The following RYR3 variants were observed in gnomAD, a reference collection of about 807,000 sequenced individuals.
RYR3 encodes ryanodine receptor 3, also known as brain ryanodine receptor-calcium release channel.
Under a neutral mutation model 584.3 loss-of-function variants are expected in RYR3, and 207 were observed. The ratio of observed to expected loss-of-function variants is 0.35; its 90% CI spans 0.32 to 0.40. The LOEUF is 0.40. Among genes scored for constraint, RYR3 ranks in the 10% least tolerant of loss-of-function variants. RYR3 has a pLI of 1.00. For missense variants in RYR3, 5,616 were observed against 6,089.2 expected, an observed-to-expected ratio of 0.92 and a Z score of 2.59; for synonymous variants, 2,416 against 2,248.5, an observed-to-expected ratio of 1.07 and a Z score of -2.11.
chr15:33,628,515 T>G lies in RYR3; in HGVS notation c.2619T>G (p.Ala873=). Residue 873 remains alanine (A), a synonymous_variant, in exon 21 of 104, where the codon GCT becomes GCG. Transcript: ENST00000634891. ...TAGAAAAGATCCGAGACAGACTAGC[T>G]GAAAACATCCATGAGCTTTGGGGAA... ...PHLEKIRDRL[A]ENIHELWGMN... 6.2e-7 allele frequency: 1 copy of G among 1,613,846 alleles called. No individual in the cohort carries two copies. The highest frequency in any genetic ancestry group is 8.5e-7 in the Non-Finnish European group (1 of 1,179,732).
intron 2 of RYR3, among the ~76,000 whole-genome samples, chr15:33,499,926 G>T (rs890531024): frequency 6.6e-6 from 1 of 152,204 alleles, no homozygotes; most frequent in Non-Finnish European, 1.5e-5. Context: ...AAGAGACAGG[G>T]GCTCGTGACC....
intron 48 of RYR3, among the ~76,000 whole-genome samples, chr15:33,734,830 T>C (rs1260946782): frequency 1.3e-5 from 2 of 151,614 alleles, no homozygotes; most frequent in Non-Finnish European, 2.9e-5. Context: ...GCTGGGACTA[T>C]AGGCACCCGC....
chr15:33,589,195 A>C (rs995895663), intron 16 of RYR3, among the ~76,000 whole-genome samples: 1 of 152,156 alleles, frequency 6.6e-6, no homozygotes, highest in Non-Finnish European at 1.5e-5. Flanking sequence ...TTTAGTTTGC[A>C]CTTCGCTGAT....
chr15:33,796,109 T>TTTTTGTTTTG (rs1041299694), intron 67 of RYR3, among the ~76,000 whole-genome samples: 2 of 151,492 alleles, frequency 1.3e-5, no homozygotes, highest in Admixed American at 1.3e-4. Context: ...CATTTGTCGT[T>TTTTTGTTTTG]TTTTGTTTTG....
At chr15:33,616,948 T>C (rs2060480491) in intron 19 of RYR3, among the ~76,000 whole-genome samples, 1 of 152,206 alleles carries the variant, frequency 6.6e-6, no homozygotes, top group South Asian at 2.1e-4. Flanking sequence ...TAAATCAAAA[T>C]AAACCGATTG....
intron 3 of RYR3, among the ~76,000 whole-genome samples, chr15:33,527,465 A>G (rs2054489216): frequency 6.6e-6 from 1 of 151,902 alleles, no homozygotes; most frequent in South Asian, 2.1e-4. Context: ...CAGTAATCTC[A>G]ACTACTCAGG....
At position 33,638,525 on chromosome 15, in the gene RYR3, T is replaced by C. The variant is rs572001142; in HGVS notation, c.3556+1975T>C. On this transcript the variant is annotated intron_variant, in intron 27 of 103. Coordinates refer to ENST00000634891, the MANE Select transcript of RYR3 (RefSeq NM_001036.6). ...ATGTTGTGCAGAGTTACAAGAACTT[T>C]GTAAAGTCCAAAGCCTTAATACTCA... Among the ~76,000 whole-genome samples the C allele has an allele frequency of 1.0e-3, 155 of 152,336 alleles. 1 individual carries two copies. Among genetic ancestry groups the C allele is most frequent in the African/African-American group, 3.7e-3 (152 of 41,574 alleles).
intron 8 of RYR3, among the ~76,000 whole-genome samples, chr15:33,546,889 T>C (rs1269539696): frequency 6.6e-6 from 1 of 152,254 alleles, no homozygotes; most frequent in Non-Finnish European, 1.5e-5. Context: ...TCCTCTTGGG[T>C]TTGACCACTT....
intron 1 of RYR3, among the ~76,000 whole-genome samples, chr15:33,386,325 C>A (rs1292066311): frequency 6.6e-6 from 1 of 152,262 alleles, no homozygotes; most frequent in African/African-American, 2.4e-5. Flanking sequence ...AAATACAGAA[C>A]AACTCATAAG....
rs1052999799 is a variant in RYR3, at chr15:33,731,517, A to T, written c.7247A>T (p.Tyr2416Phe). The T allele has an allele frequency of 5.0e-6, 8 of 1,613,564 alleles. No individual in the cohort carries two copies. The Admixed American group carries it at 1.0e-4, about 20-fold the overall frequency. The change falls in exon 48 of 104, where the codon TAT (tyrosine) becomes TTT (phenylalanine). Residue 2416 changes from tyrosine (Y) to phenylalanine (F), a missense_variant. Tyr to Phe is a conservative substitution (Grantham distance 22). Around this residue, in one of 9 missense-constraint regions of RYR3, gnomAD observed 1,280 missense variants for 1,426.2 expected, o/e 0.90. Coordinates refer to ENST00000634891, the MANE Select transcript of RYR3 (RefSeq NM_001036.6). ...GAGGCTGCGCTTGCACTAAATAGGT[A>T]TATATGTTCTGCTGTGCTCCCGCTC... ...TTEAALALNR[Y>F]ICSAVLPLLT...
At chr15:33,529,018 A>G (rs1478763184) in intron 3 of RYR3, among the ~76,000 whole-genome samples, 1 of 152,232 alleles carries the variant, frequency 6.6e-6, no homozygotes, top group East Asian at 1.9e-4. Context: ...TTAACTTGTA[A>G]TAATATAAGT....
intron 16 of RYR3, among the ~76,000 whole-genome samples, 193 bp from the exon 17 acceptor site, chr15:33,601,226 C>G (rs2059645205): frequency 6.6e-6 from 1 of 152,160 alleles, no homozygotes; most frequent in African/African-American, 2.4e-5. Context: ...CTCATTTTCC[C>G]AAGAAGCAGT....
intron 23 of RYR3, among the ~76,000 whole-genome samples, chr15:33,632,300 G>T (rs1388692271): frequency 1.3e-5 from 2 of 152,138 alleles, no homozygotes; most frequent in Non-Finnish European, 2.9e-5. Context: ...CTTTCCTAAG[G>T]TTTCACTCCG....
chr15:33,359,718 A>G (rs1340183364), intron 1 of RYR3, among the ~76,000 whole-genome samples: 4 of 151,958 alleles, frequency 2.6e-5, no homozygotes, highest in African/African-American at 4.8e-5. Context: ...TCCTGGGTTC[A>G]CGCCATTCTC....
chr15:33,351,706 A>C (rs1475085071), intron 1 of RYR3, among the ~76,000 whole-genome samples: 6 of 151,384 alleles, frequency 4.0e-5, no homozygotes, highest in African/African-American at 1.5e-4. Context: ...ACAAAATTCA[A>C]CAACCCTTCA....
At chr15:33,531,643 A>G (rs1036975408) in intron 4 of RYR3, among the ~76,000 whole-genome samples, 1 of 103,010 alleles carries the variant, frequency 9.7e-6, no homozygotes, top group African/African-American at 2.8e-5. Context: ...ATATATATAT[A>G]TATATTTTTT....
At chr15:33,345,269 T>C (rs772010137) in intron 1 of RYR3, among the ~76,000 whole-genome samples, 1 of 152,196 alleles carries the variant, frequency 6.6e-6, no homozygotes, top group Non-Finnish European at 1.5e-5. Context: ...GTGCCAGGCA[T>C]GGAGCTCCTA....
chr15:33,681,948 G>C (rs909056719), intron 38 of RYR3, among the ~76,000 whole-genome samples: 1 of 149,734 alleles, frequency 6.7e-6, no homozygotes, highest in South Asian at 2.1e-4. Flanking sequence ...ACTTCATTGC[G>C]TGATGGCCAC....
chr15:33,443,211 A>T (rs1187746961), intron 1 of RYR3, among the ~76,000 whole-genome samples: 1 of 151,464 alleles, frequency 6.6e-6, no homozygotes, highest in Non-Finnish European at 1.5e-5. Context: ...GTGAGCTGAG[A>T]TTGCACCACT....
Sources: gnomAD v4.1 joint callset for allele counts (sites outside exome capture counted in the v4.1 genomes callset) on GRCh38, gnomAD v4.1.1 for gene constraint, gnomAD v4.1.1 regional missense constraint, MANE v1.5 for transcripts, NCBI Gene and HGNC (gene_info 2026-07-23, HGNC 2026-07-21) for gene names.